The following HHAT variants were observed in gnomAD, a reference collection of about 807,000 sequenced individuals.
HHAT encodes the protein hedgehog acyltransferase.
HHAT carries 47 observed loss-of-function variants against 70.8 expected under a neutral mutation model. The ratio of observed to expected loss-of-function variants is 0.66; its 90% confidence interval spans 0.53 to 0.85. HHAT has a LOEUF of 0.85. Among genes scored for constraint, HHAT ranks in the 40% least tolerant of loss-of-function variants. The pLI is 0.00. For synonymous variants in HHAT, 228 were observed against 247.6 expected, an observed-to-expected ratio of 0.92 and a Z score of 0.74; for missense variants, 609 against 604.8, an observed-to-expected ratio of 1.01 and a Z score of -0.07.
chr1:210,450,459 C>G (rs778504603), intron 7 of HHAT, among the ~76,000 whole-genome samples: 1 of 151,936 alleles, frequency 6.6e-6, no homozygotes, highest in Non-Finnish European at 1.5e-5. Flanking sequence ...TGCAACTTTC[C>G]TATTCTGAAG....
chr1:210,356,280 A>G (rs2087611592), intron 2 of HHAT, among the ~76,000 whole-genome samples: 1 of 152,170 alleles, frequency 6.6e-6, no homozygotes, highest in Non-Finnish European at 1.5e-5. Flanking sequence ...GCCCAGGCAC[A>G]TCTTCTTTTA....
chr1:210,595,614 C>G (rs1573596002), intron 10 of HHAT, among the ~76,000 whole-genome samples: 1 of 152,212 alleles, frequency 6.6e-6, no homozygotes, highest in African/African-American at 2.4e-5. Flanking sequence ...TCTCCACATC[C>G]TCTCCACCAC....
intron 4 of HHAT, among the ~76,000 whole-genome samples, chr1:210,390,306 C>A (rs1209617497): frequency 6.6e-6 from 1 of 151,930 alleles, no homozygotes; most frequent in African/African-American, 2.4e-5. Flanking sequence ...AATATTAAAC[C>A]CCCTCTCCCT....
At chr1:210,329,261 T>G in intron 1 of HHAT, 157 bp downstream of exon 1, 15 of 1,197,870 alleles carry the variant, frequency 1.3e-5, no homozygotes, top group Admixed American at 4.4e-5. Context: ...AAGTTCCCGG[T>G]CGGGCGAAGA....
At chr1:210,592,960 A>T (rs1290686038) in intron 10 of HHAT, among the ~76,000 whole-genome samples, 3 of 151,012 alleles carry the variant, frequency 2.0e-5, no homozygotes, top group Non-Finnish European at 1.5e-5. Flanking sequence ...TACATGTGCC[A>T]TGTTGGTGTG....
At chr1:210,612,730 C>T (rs1666850904) in intron 10 of HHAT, among the ~76,000 whole-genome samples, 1 of 152,148 alleles carries the variant, frequency 6.6e-6, no homozygotes. Flanking sequence ...ATACCGTTTT[C>T]CACAGTGGCT....
chr1:210,446,365 A>G (rs1298874443), intron 7 of HHAT, among the ~76,000 whole-genome samples: 1 of 152,200 alleles, frequency 6.6e-6, no homozygotes, highest in African/African-American at 2.4e-5. Flanking sequence ...TTATGGAAAA[A>G]ATACCATATT....
chr1:210,541,084 G>A (rs1001763481), intron 9 of HHAT, among the ~76,000 whole-genome samples: 3 of 152,098 alleles, frequency 2.0e-5, no homozygotes, highest in Non-Finnish European at 4.4e-5. Flanking sequence ...CAGGCAATAC[G>A]CCTGCCTCGG....
At chr1:210,560,683 C>G (rs1303010489) in intron 9 of HHAT, among the ~76,000 whole-genome samples, 3 of 150,718 alleles carry the variant, frequency 2.0e-5, no homozygotes, top group African/African-American at 7.3e-5. Flanking sequence ...GATGGCAGCA[C>G]CTGTAGTCCC....
At chr1:210,576,013 G>C (rs186070443) in intron 9 of HHAT, among the ~76,000 whole-genome samples, 4 of 152,244 alleles carry the variant, frequency 2.6e-5, no homozygotes, top group Admixed American at 2.0e-4. Flanking sequence ...CCCTCTGTAG[G>C]CTTCTCTGCA....
At position 210,390,928 on chromosome 1, in the gene HHAT, C is replaced by A. The variant is rs1456721133; in HGVS notation, c.273+3347C>A. Among the ~76,000 whole-genome samples the A allele has an allele frequency of 2.6e-5, 4 of 152,208 alleles. No homozygotes were observed. The East Asian group carries it at 5.8e-4, about 22-fold the overall frequency. On this transcript the variant is annotated intron_variant, in intron 4 of 11. Transcript: ENST00000261458. ...ATGGGCACTTAGATTGGTTTCATAT[C>A]TTTGCAATTGCAAATTAGGCTGCTA...
chr1:210,424,118 A>G (rs2092987046), intron 7 of HHAT, among the ~76,000 whole-genome samples: 1 of 152,140 alleles, frequency 6.6e-6, no homozygotes, highest in Non-Finnish European at 1.5e-5. Flanking sequence ...AAATCTATCA[A>G]TTGCTTTGAG....
intron 8 of HHAT, among the ~76,000 whole-genome samples, chr1:210,487,348 A>C (rs2094488331): frequency 1.3e-5 from 2 of 152,200 alleles, no homozygotes; most frequent in African/African-American, 4.8e-5. Context: ...GAAGAGCATA[A>C]ACATGGTCTC....
At chr1:210,556,543 G>A (rs972574007) in intron 9 of HHAT, among the ~76,000 whole-genome samples, 2 of 152,012 alleles carry the variant, frequency 1.3e-5, no homozygotes, top group Non-Finnish European at 2.9e-5. Context: ...TCCTCTCATC[G>A]CCTTTGGGCT....
At chr1:210,631,081 CAG>C (rs1670770757) in intron 11 of HHAT, 1 of 456,616 alleles carries the variant, frequency 2.2e-6, no homozygotes, top group Non-Finnish European at 4.4e-6. Flanking sequence ...TTCTTACAAA[CAG>C]AGGTACTGGC....
At chr1:210,436,751 T>G (rs1208081717) in intron 7 of HHAT, among the ~76,000 whole-genome samples, 1 of 151,766 alleles carries the variant, frequency 6.6e-6, no homozygotes, top group Non-Finnish European at 1.5e-5. Flanking sequence ...TAAGTTTCAT[T>G]TATATTCCTC....
chr1:210,427,456 C>T (rs552875814), intron 7 of HHAT, among the ~76,000 whole-genome samples: 4 of 152,076 alleles, frequency 2.6e-5, no homozygotes, highest in Admixed American at 2.6e-4. Flanking sequence ...ATAACTTTCC[C>T]TCTTAACATT....
intron 9 of HHAT, among the ~76,000 whole-genome samples, chr1:210,575,609 CT>C (rs1215075108): frequency 6.6e-6 from 1 of 152,172 alleles, no homozygotes; most frequent in Non-Finnish European, 1.5e-5. Context: ...TACACCTCCC[CT>C]GGGCCTTGGC....
rs560010717 is a variant in HHAT at position 210,582,453 on chromosome 1, T to C, written c.1044-5445T>C. 1.1e-4 allele frequency among the ~76,000 whole-genome samples: 17 copies of C among 152,208 alleles called. No individual in the cohort carries two copies. In the South Asian group the frequency reaches 3.5e-3, roughly 32 times the overall value. On this transcript the variant is annotated intron_variant, in intron 9 of 11. Transcript: ENST00000261458. The stretch of plus-strand genomic sequence containing the variant: ...TCTGGTGCTTCATCTTCATACTTTG[T>C]TGGGGTCTGGGATTAGTCTGTCATA...
Sources: allele counts gnomAD v4.1 joint callset (sites outside exome capture counted in the v4.1 genomes callset), GRCh38; gene constraint gnomAD v4.1.1; transcripts MANE v1.5; gene names NCBI Gene and HGNC (gene_info 2026-07-23, HGNC 2026-07-21).